NEBL: variants seen among roughly 807,000 people sequenced by gnomAD.
The protein encoded by NEBL is LIM and SH3 protein 2.
NEBL carries 122 observed loss-of-function variants against 140.2 expected under a neutral mutation model. That is an observed-to-expected ratio of 0.87 (90% CI 0.75 to 1.01). NEBL has a LOEUF of 1.01. Among genes scored for constraint, NEBL ranks in the 50% least tolerant of loss-of-function variants. The pLI, the probability that NEBL is intolerant of heterozygous loss-of-function variation, is 0.00. For missense variants in NEBL, 1,365 were observed against 1,231.3 expected, an observed-to-expected ratio of 1.11 and a Z score of -1.62; for synonymous variants, 436 against 398.9, an observed-to-expected ratio of 1.09 and a Z score of -1.11.
At position 20,787,475 on chromosome 10, in the gene NEBL, G is replaced by C. The variant is rs140484376; in HGVS notation, c.2762-167C>G. Among the ~76,000 whole-genome samples the C allele has an allele frequency of 1.8e-3, 267 of 152,290 alleles. 2 individuals are homozygous for C. Among genetic ancestry groups the C allele is most frequent in the African/African-American group, 6.0e-3 (249 of 41,568 alleles). On this transcript the variant is annotated intron_variant, in intron 26 of 27. Coordinates refer to ENST00000377122, the MANE Select transcript of NEBL (RefSeq NM_006393.3). ...AGTGTTATAAGTGATCTCTAGATTA[G>C]TAGAAATCTTAGTAATTAGGGACAC... is the stretch of plus-strand genomic sequence containing the variant.
At chr10:21,183,853 A>G (rs1348616129) in intron 3 of NEBL, among the ~76,000 whole-genome samples, 1 of 151,940 alleles carries the variant, frequency 6.6e-6, no homozygotes, top group African/African-American at 2.4e-5. Flanking sequence ...ATCATGGGGG[A>G]GGGTCTTTCC....
At chr10:21,046,233 G>C (rs1444929646) in intron 2 of NEBL, among the ~76,000 whole-genome samples, 1 of 152,208 alleles carries the variant, frequency 6.6e-6, no homozygotes, top group Non-Finnish European at 1.5e-5. Flanking sequence ...TGGGAGATGA[G>C]AGGAATAGGG....
At chr10:20,941,797 GACAA>G (rs1834884667) in intron 4 of NEBL, among the ~76,000 whole-genome samples, 2 of 152,002 alleles carry the variant, frequency 1.3e-5, no homozygotes, top group African/African-American at 2.4e-5. Context: ...ACCAATAACA[GACAA>G]ACAGAGAGCC....
chr10:20,901,777 G>T (rs957737820), upstream of NEBL, among the ~76,000 whole-genome samples: 2 of 152,090 alleles, frequency 1.3e-5, no homozygotes, highest in Non-Finnish European at 2.9e-5. Flanking sequence ...CTTCCGGAAG[G>T]TTCCTGCTTC....
intron 1 of NEBL, among the ~76,000 whole-genome samples, chr10:21,271,222 A>T (rs571733758): frequency 6.6e-6 from 1 of 152,200 alleles, no homozygotes; most frequent in Admixed American, 6.5e-5. Context: ...AACCTAGAGG[A>T]TGTTATGCTA....
intron 2 of NEBL, among the ~76,000 whole-genome samples, chr10:21,080,708 G>C (rs898636285): frequency 3.3e-5 from 5 of 152,222 alleles, no homozygotes; most frequent in African/African-American, 1.2e-4. Flanking sequence ...TCTAAAAACA[G>C]ATCTAGAAGG....
intron 4 of NEBL, among the ~76,000 whole-genome samples, chr10:20,912,515 CAT>C (rs1379158281): frequency 3.3e-5 from 5 of 152,196 alleles, no homozygotes; most frequent in Non-Finnish European, 4.4e-5. Flanking sequence ...TCATTCTTCA[CAT>C]GTTATCTGTT....
intron 4 of NEBL, among the ~76,000 whole-genome samples, chr10:20,940,978 T>C (rs942252715): frequency 5.9e-5 from 9 of 152,096 alleles, no homozygotes; most frequent in Admixed American, 2.6e-4. Context: ...CAGGACCAGA[T>C]GGATTCACAG....
At chr10:20,836,210 A>G (rs988884838) in intron 13 of NEBL, among the ~76,000 whole-genome samples, 3 of 151,854 alleles carry the variant, frequency 2.0e-5, no homozygotes, top group African/African-American at 7.3e-5. Flanking sequence ...TCAAACTGTT[A>G]TGGTGCTTTG....
intron 12 of NEBL, among the ~76,000 whole-genome samples, chr10:20,844,887 T>C (rs2131003237): frequency 6.6e-6 from 1 of 152,214 alleles, no homozygotes; most frequent in Non-Finnish European, 1.5e-5. Flanking sequence ...AAAATGTTTT[T>C]ATAATAACTA....
chr10:20,839,633 A>G (rs1162940769), intron 13 of NEBL, among the ~76,000 whole-genome samples: 3 of 152,210 alleles, frequency 2.0e-5, no homozygotes, highest in African/African-American at 4.8e-5. Context: ...TGTTTTAAAC[A>G]CATAAAAATT....
intron 2 of NEBL, among the ~76,000 whole-genome samples, chr10:21,088,899 A>T (rs1836777099): frequency 6.6e-6 from 1 of 152,176 alleles, no homozygotes; most frequent in African/African-American, 2.4e-5. Flanking sequence ...TTCTGGAAGA[A>T]CTGCCCTCTG....
chr10:20,904,303 C>T (rs571477209), intron 4 of NEBL, among the ~76,000 whole-genome samples: 9 of 152,192 alleles, frequency 5.9e-5, no homozygotes, highest in African/African-American at 1.9e-4. Context: ...CCTTACTATG[C>T]ATTTATATGT....
At chr10:21,115,441 G>T (rs1309657225) in intron 2 of NEBL, among the ~76,000 whole-genome samples, 1 of 151,892 alleles carries the variant, frequency 6.6e-6, no homozygotes, top group African/African-American at 2.4e-5. Flanking sequence ...TGGTCAGCTG[G>T]TGACAAATTC....
intron 3 of NEBL, among the ~76,000 whole-genome samples, chr10:20,974,535 C>T (rs1589096882): frequency 6.6e-6 from 1 of 152,256 alleles, no homozygotes; most frequent in East Asian, 1.9e-4. Context: ...AAGCATGAGC[C>T]ACTGCACCCA....
intron 10 of NEBL, among the ~76,000 whole-genome samples, chr10:20,851,361 G>A (rs1255496912): frequency 6.6e-6 from 1 of 152,034 alleles, no homozygotes; most frequent in African/African-American, 2.4e-5. Flanking sequence ...AGAACTTTAT[G>A]AAACAGGAAA....
intron 3 of NEBL, among the ~76,000 whole-genome samples, chr10:21,245,852 C>T (rs1229507035): frequency 3.3e-5 from 5 of 152,184 alleles, no homozygotes; most frequent in Admixed American, 2.0e-4. Context: ...CCCACCACTA[C>T]GCCTGGCTAA....
rs1836747481 is a variant in NEBL, at chr10:20,798,109, A to AC, written c.2761+10400dup. Among the ~76,000 whole-genome samples the AC allele has an allele frequency of 3.8e-5, 4 of 104,810 alleles. No homozygotes were observed. In the Admixed American group the frequency reaches 4.0e-4, roughly 10 times the overall value. The allele number at this position is 104,810 out of a possible 152,430, so 68.8% of individuals were successfully genotyped here. ...ACAGAGCAAGACCCTGTTTCTAATT[A>AC]CAAAAAAAAAAAAAAAATGTAGCAT... On this transcript the variant is annotated intron_variant, in intron 26 of 27. Coordinates refer to ENST00000377122, the MANE Select transcript of NEBL (RefSeq NM_006393.3).
At chr10:20,979,411 A>G (rs1589102853) in intron 3 of NEBL, among the ~76,000 whole-genome samples, 1 of 152,340 alleles carries the variant, frequency 6.6e-6, no homozygotes, top group East Asian at 1.9e-4. Context: ...GAGAAGATGC[A>G]AAAGGTGGTC....
Sources: allele counts gnomAD v4.1 joint callset (sites outside exome capture counted in the v4.1 genomes callset), GRCh38; gene constraint gnomAD v4.1.1; transcripts MANE v1.5; gene names NCBI Gene and HGNC (gene_info 2026-07-23, HGNC 2026-07-21).